EEF1AKMT2: variants seen among roughly 807,000 people sequenced by gnomAD.
EEF1AKMT2 encodes eukaryotic translation elongation factor 1 alpha lysine methyltransferase 2.
Under a neutral mutation model 35.8 loss-of-function variants are expected in EEF1AKMT2, and 32 were observed. That is an observed-to-expected ratio of 0.89 (90% CI 0.67 to 1.20). EEF1AKMT2 has a LOEUF of 1.20. Ranked by LOEUF, EEF1AKMT2 falls within the 50% of genes most tolerant of loss-of-function variation. The pLI, the probability that EEF1AKMT2 is intolerant of heterozygous loss-of-function variation, is 0.00. For synonymous variants in EEF1AKMT2, 121 were observed against 133.7 expected (o/e 0.91, Z 0.65); for missense variants, 330 against 347.5 (o/e 0.95, Z 0.40).
chr10:124,763,808 G>A (rs1457456037), intron 5 of EEF1AKMT2, among the ~76,000 whole-genome samples: 1 of 152,076 alleles, frequency 6.6e-6, no homozygotes, highest in African/African-American at 2.4e-5. Context: ...GTGTAACTTT[G>A]AGCATTTATT....
Position 124,769,248 on chromosome 10 carries a change from A to ATG in EEF1AKMT2, c.400-3642_400-3641dup, listed in dbSNP as rs138958745. On this transcript the variant is annotated intron_variant, in intron 4 of 6. Coordinates refer to ENST00000368836, the MANE Select transcript of EEF1AKMT2 (RefSeq NM_212554.4). ...AAAAAAAAAAAATATATATATATAT[A>ATG]TGTGTGTATAAATAAAACGAACAGA... Among the ~76,000 whole-genome samples the ATG allele has an allele frequency of 5.5e-3, 352 of 63,820 alleles. 6 individuals are homozygous for ATG. The highest frequency in any genetic ancestry group is 7.8e-3 in the Middle Eastern group (1 of 128). 41.9% of individuals were successfully genotyped at this position (63,820 alleles called of 152,430 possible).
intron 4 of EEF1AKMT2, among the ~76,000 whole-genome samples, chr10:124,772,579 C>T (rs1261362470): frequency 6.6e-6 from 1 of 152,024 alleles, no homozygotes; most frequent in African/African-American, 2.4e-5. Context: ...CAGACACCCA[C>T]CACCATGCCC....
intron 3 of EEF1AKMT2, among the ~76,000 whole-genome samples, chr10:124,788,663 TATAAG>T (rs1175283782): frequency 6.9e-6 from 1 of 143,952 alleles, no homozygotes. Flanking sequence ...TATGCTTACC[TATAAG>T]ATAAGATACG....
intron 5 of EEF1AKMT2, among the ~76,000 whole-genome samples, chr10:124,764,844 T>C (rs919187348): frequency 6.6e-6 from 1 of 152,256 alleles, no homozygotes; most frequent in Non-Finnish European, 1.5e-5. Context: ...TTTGATTCTA[T>C]AAATAATAGA....
In EEF1AKMT2 at chr10:124,788,710, TTATA is replaced by T. The variant is rs146577563; in HGVS notation, c.291+329_291+332del. ...CTACTGGAATTGCAAAAGGTCATCT[TTATA>T]TATATATATATATATGCATTTCTAG... On this transcript the variant is annotated intron_variant, in intron 3 of 6. Coordinates refer to ENST00000368836, the MANE Select transcript of EEF1AKMT2 (RefSeq NM_212554.4). Among the ~76,000 whole-genome samples the T allele has an allele frequency of 4.8e-4, 44 of 92,570 alleles. 2 individuals carry two copies. The highest frequency in any genetic ancestry group is 9.8e-4 in the South Asian group (2 of 2,048). 60.7% of individuals were successfully genotyped at this position (92,570 alleles called of 152,430 possible). A position where few individuals can be genotyped will look rare whatever the true frequency, so the allele number is the denominator to read the frequency against.
intron 1 of EEF1AKMT2, among the ~76,000 whole-genome samples, chr10:124,790,622 G>C (rs1466533347): frequency 6.6e-6 from 1 of 152,228 alleles, no homozygotes; most frequent in South Asian, 2.1e-4. Flanking sequence ...ATTTGTCCAC[G>C]TATCCCTAAG....
At chr10:124,779,137 CT>C (rs905832940) in intron 3 of EEF1AKMT2, among the ~76,000 whole-genome samples, 8 of 151,644 alleles carry the variant, frequency 5.3e-5, no homozygotes, top group African/African-American at 1.7e-4. Context: ...CAATCTTTTT[CT>C]TTTTTTTATG....
chr10:124,769,549 T>C (rs1328210527), intron 4 of EEF1AKMT2, among the ~76,000 whole-genome samples: 1 of 152,118 alleles, frequency 6.6e-6, no homozygotes, highest in African/African-American at 2.4e-5. Context: ...AACACCACAA[T>C]GAAGCAAGTC....
At chr10:124,772,539 C>T (rs768278738) in intron 4 of EEF1AKMT2, among the ~76,000 whole-genome samples, 1 of 146,124 alleles carries the variant, frequency 6.8e-6, no homozygotes, top group Non-Finnish European at 1.5e-5. Context: ...AGCGGTTCTC[C>T]TACCTCAGCC....
chr10:124,789,760 TA>T lies in EEF1AKMT2; in HGVS notation c.176+512del, dbSNP rs535532582. The stretch of plus-strand genomic sequence containing the variant: ...ATGACAGAATGACACCCCACCTCTC[TA>T]AAAAAAAAAAAAAAGTAAAAAATTA... On this transcript the variant is annotated intron_variant, in intron 2 of 6. Transcript: ENST00000368836. Among the ~76,000 whole-genome samples, 471 of 113,966 alleles carry T rather than the reference TA, an allele frequency of 4.1e-3. 1 individual carries two copies. The highest frequency in any genetic ancestry group is 0.025 in the South Asian group (94 of 3,758). The allele number at this position is 113,966 out of a possible 152,430, so 74.8% of individuals were successfully genotyped here. A position where few individuals can be genotyped will look rare whatever the true frequency, so the allele number is the denominator to read the frequency against.
rs1476172546 is a variant in EEF1AKMT2, at chr10:124,784,660, G to A, written c.291+4383C>T. ...AAAACATAAAAATAGGCAGGGCAGG[G>A]TGGCTCACGCCTGTAATCCCAGAAC... On this transcript the variant is annotated intron_variant, in intron 3 of 6. Coordinates refer to ENST00000368836, the MANE Select transcript of EEF1AKMT2 (RefSeq NM_212554.4). Among the ~76,000 whole-genome samples, 3 of 152,234 alleles carry A rather than the reference G, an allele frequency of 2.0e-5. No individual in the cohort carries two copies. The East Asian group carries it at 5.8e-4, about 29-fold the overall frequency.
At position 124,758,736 on chromosome 10, in the gene EEF1AKMT2, GAAT is replaced by G. The variant is rs750209223; in HGVS notation, c.*1764_*1766del. The G allele has an allele frequency of 1.3e-5, 2 of 151,450 alleles. No homozygotes were observed. The highest frequency in any genetic ancestry group is 2.4e-5 in the African/African-American group (1 of 41,198). The allele number at this position is 151,450 out of a possible 1,614,324, so 9.4% of individuals were successfully genotyped here. A position where few individuals can be genotyped will look rare whatever the true frequency, so the allele number is the denominator to read the frequency against. On this transcript the variant is annotated 3_prime_UTR_variant, in exon 7 of 7. Coordinates refer to ENST00000368836, the MANE Select transcript of EEF1AKMT2 (RefSeq NM_212554.4). ...TATCTATGTTATATTTGAAATCAAA[GAAT>G]ATTAATGTGAAAAAAAACAAAGACC...
At chr10:124,779,713 A>C (rs1244908052) in intron 3 of EEF1AKMT2, among the ~76,000 whole-genome samples, 1 of 129,670 alleles carries the variant, frequency 7.7e-6, no homozygotes, top group East Asian at 2.4e-4. Flanking sequence ...GCACCACTGC[A>C]CTCCAGCCTG....
chr10:124,783,180 T>G (rs574653440), intron 3 of EEF1AKMT2, among the ~76,000 whole-genome samples: 2 of 132,746 alleles, frequency 1.5e-5, no homozygotes, highest in South Asian at 2.6e-4. Context: ...TTACTCTGTC[T>G]CCCAGGCTGG....
intron 4 of EEF1AKMT2, among the ~76,000 whole-genome samples, chr10:124,773,794 T>C (rs1950460825): frequency 6.6e-6 from 1 of 152,060 alleles, no homozygotes; most frequent in Admixed American, 6.6e-5. Context: ...ATTACAACAA[T>C]TACCAAAATG....
chr10:124,786,035 C>G (rs971640489), intron 3 of EEF1AKMT2, among the ~76,000 whole-genome samples: 7 of 151,624 alleles, frequency 4.6e-5, no homozygotes, highest in Non-Finnish European at 8.8e-5. Context: ...AAACAGCCTA[C>G]TATATGATGA....
chr10:124,757,647 A>C (rs1950296709), downstream of EEF1AKMT2, among the ~76,000 whole-genome samples: 1 of 152,120 alleles, frequency 6.6e-6, no homozygotes, highest in African/African-American at 2.4e-5. Context: ...TAAAATAAGT[A>C]AGTCCACTGA....
rs150970029 is a variant in EEF1AKMT2, at chr10:124,780,667, GACAGTAAT to G, written c.292-5893_292-5886del. ...TAGACTCCCAAAATGAAAGGAGAAAGACAGTAATACAGAAAAAAAAAATAGAAAAAACA... is the reference window on the plus strand; with the variant it reads ...TAGACTCCCAAAATGAAAGGAGAAAGACAGAAAAAAAAAATAGAAAAAACA... On this transcript the variant is annotated intron_variant, in intron 3 of 6. Coordinates refer to ENST00000368836, the MANE Select transcript of EEF1AKMT2 (RefSeq NM_212554.4). Among the ~76,000 whole-genome samples the G allele has an allele frequency of 6.6e-3, 1,000 of 151,282 alleles. 17 individuals carry two copies. Among genetic ancestry groups the G allele is most frequent in the African/African-American group, 0.023 (959 of 41,286 alleles).
chr10:124,774,211 CA>C (rs1457350227), intron 4 of EEF1AKMT2, among the ~76,000 whole-genome samples: 1 of 151,388 alleles, frequency 6.6e-6, no homozygotes, highest in East Asian at 1.9e-4. Context: ...ACTAAAAATA[CA>C]AAAAATTAGC....
Sources: allele counts gnomAD v4.1 joint callset (sites outside exome capture counted in the v4.1 genomes callset), GRCh38; gene constraint gnomAD v4.1.1; transcripts MANE v1.5; gene names NCBI Gene and HGNC (gene_info 2026-07-23, HGNC 2026-07-21).